Variants in KHDRBS2 observed in about 807,000 individuals in gnomAD.
KHDRBS2 encodes the protein KH RNA binding domain containing, signal transduction associated 2.
A neutral mutation model predicts 44.3 loss-of-function variants in KHDRBS2; 26 were observed. The ratio of observed to expected loss-of-function variants is 0.59; its 90% CI spans 0.43 to 0.81. KHDRBS2 has a LOEUF of 0.81. Among genes scored for constraint, KHDRBS2 ranks in the 40% least tolerant of loss-of-function variants. The pLI is 0.00. For synonymous variants in KHDRBS2, 194 were observed against 151.1 expected, an observed-to-expected ratio of 1.28 and a Z score of -2.08; for missense variants, 476 against 433.1, an observed-to-expected ratio of 1.10 and a Z score of -0.88.
At chr6:62,028,582 A>G (rs1013573820) in intron 3 of KHDRBS2, among the ~76,000 whole-genome samples, 2 of 152,110 alleles carry the variant, frequency 1.3e-5, no homozygotes, top group Non-Finnish European at 2.9e-5. Context: ...TATTTACTCT[A>G]AAGACACTGG....
chr6:61,792,401 A>G (rs1041745323), intron 6 of KHDRBS2, among the ~76,000 whole-genome samples: 1 of 151,394 alleles, frequency 6.6e-6, no homozygotes, highest in African/African-American at 2.4e-5. Flanking sequence ...TTATTCTTGA[A>G]ATTCATAATT....
chr6:61,901,793 T>C (rs1378667225), intron 4 of KHDRBS2, among the ~76,000 whole-genome samples: 1 of 152,172 alleles, frequency 6.6e-6, no homozygotes, highest in African/African-American at 2.4e-5. Context: ...TAGCTTCTGA[T>C]GCATAAACAA....
At chr6:61,595,176 C>T in the KHDRBS2 span, among the ~76,000 whole-genome samples, 1 of 151,992 alleles carries the variant, frequency 6.6e-6, no homozygotes, top group African/African-American at 2.4e-5. Context: ...TGCTATTAAG[C>T]CTCAACCTAA....
chr6:62,132,243 T>A (rs1167988783), intron 2 of KHDRBS2, among the ~76,000 whole-genome samples: 1 of 152,198 alleles, frequency 6.6e-6, no homozygotes, highest in African/African-American at 2.4e-5. Context: ...AAATGATTAA[T>A]CTGTCAGCTA....
chr6:61,787,366 T>C (rs115191764), intron 6 of KHDRBS2, among the ~76,000 whole-genome samples: 1 of 151,700 alleles, frequency 6.6e-6, no homozygotes, highest in Non-Finnish European at 1.5e-5. Flanking sequence ...TTCACTATGA[T>C]CACAGTTTCA....
intron 6 of KHDRBS2, among the ~76,000 whole-genome samples, chr6:61,893,536 T>C (rs1490084937): frequency 6.6e-6 from 1 of 152,186 alleles, no homozygotes; most frequent in African/African-American, 2.4e-5. Context: ...TAAGAAAACG[T>C]GGCACATATA....
chr6:62,091,946 G>C (rs1799568128), intron 2 of KHDRBS2, among the ~76,000 whole-genome samples: 1 of 152,100 alleles, frequency 6.6e-6, no homozygotes, highest in Non-Finnish European at 1.5e-5. Context: ...TTGGATTAAA[G>C]AGACTTCAGT....
chr6:61,574,632 G>A, the KHDRBS2 span, among the ~76,000 whole-genome samples: 1 of 152,142 alleles, frequency 6.6e-6, no homozygotes, highest in Non-Finnish European at 1.5e-5. Flanking sequence ...CCCTAGGGGC[G>A]TGGTAGCTCA....
intron 4 of KHDRBS2, among the ~76,000 whole-genome samples, chr6:61,902,506 A>AACACACACACAC (rs34224070): frequency 6.7e-6 from 1 of 149,600 alleles, no homozygotes; most frequent in African/African-American, 2.5e-5. Context: ...TTTACTAATC[A>AACACACACACAC]ACACACACAC....
chr6:62,159,097 T>C (rs978587204), intron 2 of KHDRBS2, among the ~76,000 whole-genome samples: 24 of 152,136 alleles, frequency 1.6e-4, no homozygotes, highest in Non-Finnish European at 2.9e-5. Flanking sequence ...AATGATGACA[T>C]GGAGGATGTG....
intron 2 of KHDRBS2, among the ~76,000 whole-genome samples, chr6:62,163,506 G>A (rs1212304710): frequency 6.6e-6 from 1 of 151,926 alleles, no homozygotes; most frequent in East Asian, 1.9e-4. Context: ...ACATTTAGCC[G>A]TATGACCTAT....
chr6:61,720,882 G>C (rs1376880813), intron 7 of KHDRBS2, among the ~76,000 whole-genome samples: 15 of 150,586 alleles, frequency 1.0e-4, no homozygotes, highest in African/African-American at 1.2e-4. Flanking sequence ...GTAATGCCTA[G>C]GTTTTCTTCT....
chr6:61,679,141 C>G (rs1007793598), downstream of KHDRBS2, among the ~76,000 whole-genome samples: 2 of 151,756 alleles, frequency 1.3e-5, no homozygotes, highest in Non-Finnish European at 2.9e-5. Context: ...CCAATCACAT[C>G]GACAAAAAGC....
Position 61,945,865 on chromosome 6 carries a change from T to C in KHDRBS2, c.483+32201A>G, listed in dbSNP as rs569378246. Among the ~76,000 whole-genome samples, 162 of 136,656 alleles carry C rather than the reference T, an allele frequency of 1.2e-3. 1 individual carries two copies. Among genetic ancestry groups the C allele is most frequent in the South Asian group, 2.3e-3 (10 of 4,404 alleles). The allele number at this position is 136,656 out of a possible 152,430, so 89.7% of individuals were successfully genotyped here. A position where few individuals can be genotyped will look rare whatever the true frequency, so the allele number is the denominator to read the frequency against. On this transcript the variant is annotated intron_variant, in intron 4 of 8. Transcript: ENST00000281156. ...CAAATACTTATTCATACAAGAATGATTTCCCACTTAGAAAAAAACACTAAA... is the reference window on the plus strand; with the variant it reads ...CAAATACTTATTCATACAAGAATGACTTCCCACTTAGAAAAAAACACTAAA...
Position 62,098,243 on chromosome 6 carries a change from CG to C in KHDRBS2, c.220-50250del, listed in dbSNP as rs1209077948. Among the ~76,000 whole-genome samples, 290 of 110,746 alleles carry C rather than the reference CG, an allele frequency of 2.6e-3. 1 individual carries two copies. Among genetic ancestry groups the C allele is most frequent in the African/African-American group, 8.7e-3 (259 of 29,802 alleles). The allele number at this position is 110,746 out of a possible 152,430, so 72.7% of individuals were successfully genotyped here. A position where few individuals can be genotyped will look rare whatever the true frequency, so the allele number is the denominator to read the frequency against. The stretch of plus-strand genomic sequence containing the variant: ...TACCAGTGAGTTTTATAGCTTCAAA[CG>C]TTTTTTTTTTTTTTTTTGTTACAAG... On this transcript the variant is annotated intron_variant, in intron 2 of 8. Coordinates refer to ENST00000281156, the MANE Select transcript of KHDRBS2 (RefSeq NM_152688.4).
At chr6:61,624,506 A>G in the KHDRBS2 span, among the ~76,000 whole-genome samples, 1 of 152,218 alleles carries the variant, frequency 6.6e-6, no homozygotes, top group Admixed American at 6.5e-5. Flanking sequence ...TTCTTTCCAC[A>G]GACTTAAGTC....
chr6:61,612,929 G>C, the KHDRBS2 span, among the ~76,000 whole-genome samples: 3 of 138,214 alleles, frequency 2.2e-5, no homozygotes, highest in African/African-American at 8.0e-5. Context: ...CTCGGCTGAC[G>C]GCAAGCTCCG....
At chr6:62,103,658 G>A (rs1342333057) in intron 2 of KHDRBS2, among the ~76,000 whole-genome samples, 1 of 150,826 alleles carries the variant, frequency 6.6e-6, no homozygotes, top group Non-Finnish European at 1.5e-5. Context: ...GGCTCCCTCT[G>A]GAATCACCTG....
At chr6:61,861,860 C>T (rs1012380238) in intron 6 of KHDRBS2, among the ~76,000 whole-genome samples, 8 of 152,004 alleles carry the variant, frequency 5.3e-5, no homozygotes, top group African/African-American at 1.9e-4. Flanking sequence ...GAATCTTTTT[C>T]CATTTGTTTG....
Sources: allele counts gnomAD v4.1 joint callset (sites outside exome capture counted in the v4.1 genomes callset), GRCh38; gene constraint gnomAD v4.1.1; transcripts MANE v1.5; gene names NCBI Gene and HGNC (gene_info 2026-07-23, HGNC 2026-07-21).